The following ADAMTS3 variants were observed in gnomAD, a reference collection of about 807,000 sequenced individuals.
ADAMTS3 encodes ADAM metallopeptidase with thrombospondin type 1 motif 3, also known as A disintegrin and metalloproteinase with thrombospondin motifs 3.
Under a neutral mutation model 129.0 loss-of-function variants are expected in ADAMTS3, and 73 were observed. The observed-to-expected ratio is 0.57, with a 90% CI of 0.47 to 0.69. The LOEUF (loss-of-function observed/expected upper bound fraction) is 0.69. ADAMTS3 is among the 30% of genes least tolerant of loss of function. The probability of loss-of-function intolerance (pLI) is 0.00; values close to 1 mark genes in which losing one functional copy is unlikely to be tolerated. For synonymous variants in ADAMTS3, 477 were observed against 510.8 expected, an observed-to-expected ratio of 0.93 and a Z score of 0.89; for missense variants, 1,457 against 1,514.5, an observed-to-expected ratio of 0.96 and a Z score of 0.63.
At chr4:72,461,565 A>T (rs956262336) in intron 3 of ADAMTS3, among the ~76,000 whole-genome samples, 2 of 151,952 alleles carry the variant, frequency 1.3e-5, no homozygotes, top group African/African-American at 4.8e-5. Context: ...GACAAACCTA[A>T]CCTTTCTAAA....
Position 72,323,060 on chromosome 4 carries a change from T to C in ADAMTS3, c.899A>G (p.His300Arg). Residue 300 changes from histidine to arginine, a missense_variant, in exon 6 of 22, where the codon CAT becomes CGT. Coordinates refer to ENST00000286657, the MANE Select transcript of ADAMTS3 (RefSeq NM_014243.3). ...EIYHDESLGV[H>R]INVVLVRMIM... ...CATGCGCACCAGGACCACATTTATATGCACTCCGAGGGACTCATCATGGTA... is the reference window on the plus strand; with the variant it reads ...CATGCGCACCAGGACCACATTTATACGCACTCCGAGGGACTCATCATGGTA... The C allele has an allele frequency of 1.2e-6, 2 of 1,613,662 alleles. No homozygotes were observed. Among genetic ancestry groups the C allele is most frequent in the East Asian group, 4.5e-5 (2 of 44,848 alleles).
At chr4:72,471,841 T>C (rs539551649) in intron 3 of ADAMTS3, among the ~76,000 whole-genome samples, 4 of 152,220 alleles carry the variant, frequency 2.6e-5, no homozygotes, top group Admixed American at 1.3e-4. Context: ...TAAATGTAGA[T>C]AGATATAATC....
intron 21 of ADAMTS3, among the ~76,000 whole-genome samples, chr4:72,285,065 T>C (rs1362008562): frequency 1.3e-5 from 2 of 152,176 alleles, no homozygotes; most frequent in Middle Eastern, 3.2e-3. Context: ...TATTGGGTAA[T>C]ACTATACTGC....
At position 72,313,370 on chromosome 4, in the gene ADAMTS3, G is replaced by A. The variant is rs375254351; in HGVS notation, c.1745+307C>T. On this transcript the variant is annotated intron_variant, in intron 12 of 21. Transcript: ENST00000286657. ...TCTCTTGTTTCTGGCAGTCAATCTC[G>A]CAGTGCCCATGCCCACGCCCTTAGG... Among the ~76,000 whole-genome samples the A allele has an allele frequency of 5.9e-5, 9 of 152,148 alleles. No individual in the cohort carries two copies. The East Asian group carries it at 1.2e-3, about 20-fold the overall frequency.
At chr4:72,314,899 T>C (rs1393933071) in intron 11 of ADAMTS3, among the ~76,000 whole-genome samples, 1 of 152,194 alleles carries the variant, frequency 6.6e-6, no homozygotes, top group Non-Finnish European at 1.5e-5. Context: ...GTACCAGGTT[T>C]TGGTCCTGCC....
chr4:72,549,117 C>T (rs934574426), intron 2 of ADAMTS3, among the ~76,000 whole-genome samples: 1 of 152,150 alleles, frequency 6.6e-6, no homozygotes, highest in African/African-American at 2.4e-5. Flanking sequence ...ATTAAAATTA[C>T]ATTGTAAATA....
intron 4 of ADAMTS3, among the ~76,000 whole-genome samples, chr4:72,356,563 TA>T (rs1455487532): frequency 7.2e-5 from 11 of 151,826 alleles, no homozygotes. Flanking sequence ...AACAAGGCTA[TA>T]AAATAAAATA....
chr4:72,386,890 T>A (rs1278195829), intron 4 of ADAMTS3, among the ~76,000 whole-genome samples: 4 of 152,232 alleles, frequency 2.6e-5, no homozygotes, highest in Admixed American at 1.3e-4. Context: ...AGCATTTTTT[T>A]AAGCAATCTT....
chr4:72,390,506 C>G (rs1245903241), intron 4 of ADAMTS3, among the ~76,000 whole-genome samples: 2 of 152,124 alleles, frequency 1.3e-5, no homozygotes, highest in Non-Finnish European at 2.9e-5. Flanking sequence ...ACATCCAAAG[C>G]TTTTATTTTT....
intron 17 of ADAMTS3, among the ~76,000 whole-genome samples, chr4:72,303,411 C>A (rs1234232583): frequency 1.3e-5 from 2 of 151,774 alleles, no homozygotes; most frequent in East Asian, 3.9e-4. Context: ...AATAAAAAAC[C>A]AAAAAACTAG....
At chr4:72,511,420 A>G (rs765904845) in intron 3 of ADAMTS3, among the ~76,000 whole-genome samples, 1 of 152,228 alleles carries the variant, frequency 6.6e-6, no homozygotes, top group African/African-American at 2.4e-5. Flanking sequence ...TACAGGGGAA[A>G]AAAATCTAAT....
chr4:72,319,958 C>A lies in ADAMTS3; in HGVS notation c.1108G>T (p.Ala370Ser). The A allele has an allele frequency of 6.2e-7, 1 of 1,610,338 alleles. No homozygotes were observed. Reference protein sequence around the residue: ...DFGPAGMQGYAPVTGMCHPVR... With the variant: ...DFGPAGMQGYSPVTGMCHPVR... ...GGATGACACATGCCGGTGACTGGAGCATATCCTGTAGAGAATAACAATTAC... is the reference window on the plus strand; with the variant it reads ...GGATGACACATGCCGGTGACTGGAGAATATCCTGTAGAGAATAACAATTAC... The change falls in exon 8 of 22, where the codon GCT (alanine) becomes TCT (serine). Residue 370 changes from alanine to serine, a missense_variant. By Grantham distance (99) the Ala-to-Ser change is moderately conservative. Transcript: ENST00000286657.
In ADAMTS3 at chr4:72,320,678, C is replaced by T. The variant is rs1719528874; in HGVS notation, c.1102+36G>A. 1.9e-6 allele frequency: 3 copies of T among 1,600,088 alleles called. No individual in the cohort carries two copies. The African/African-American group carries it at 4.0e-5, about 22-fold the overall frequency. ...TTAGGATTACTTTTTAAAAGTCATG[C>T]CCTCAAGTATTTCTTCTACATATTG... On this transcript the variant is annotated intron_variant, in intron 7 of 21. Coordinates refer to ENST00000286657, the MANE Select transcript of ADAMTS3 (RefSeq NM_014243.3).
chr4:72,315,508 C>T (rs79222064), intron 11 of ADAMTS3, among the ~76,000 whole-genome samples: 3,593 of 152,154 alleles, frequency 0.024, 154 homozygotes, highest in African/African-American at 0.082. Flanking sequence ...GTGGGGTGGC[C>T]ACCAGATGCT....
rs1310675054 is a variant in ADAMTS3, at chr4:72,358,425, C to T, written c.662-18732G>A. Among the ~76,000 whole-genome samples the T allele has an allele frequency of 2.6e-5, 4 of 152,092 alleles. No individual in the cohort carries two copies. In the East Asian group the frequency reaches 7.7e-4, roughly 29 times the overall value. On this transcript the variant is annotated intron_variant, in intron 4 of 21. Coordinates refer to ENST00000286657, the MANE Select transcript of ADAMTS3 (RefSeq NM_014243.3). Reference sequence around the variant, plus strand: ...GACTGTATTTCAAGAAGCACTCCTGCAGGTCCCGAAACAGCTAGTTTGGGC... The same window carrying T: ...GACTGTATTTCAAGAAGCACTCCTGTAGGTCCCGAAACAGCTAGTTTGGGC...
chr4:72,405,472 C>A (rs1339329664), intron 4 of ADAMTS3, among the ~76,000 whole-genome samples: 2 of 152,068 alleles, frequency 1.3e-5, no homozygotes, highest in Non-Finnish European at 2.9e-5. Flanking sequence ...GATTTGTAAG[C>A]TAGGTTGTGT....
At chr4:72,321,162 C>T (rs1719544297) in intron 6 of ADAMTS3, among the ~76,000 whole-genome samples, 1 of 151,750 alleles carries the variant, frequency 6.6e-6, no homozygotes, top group African/African-American at 2.4e-5. Context: ...CAAATTATAC[C>T]ATTTATGAGA....
At chr4:72,520,754 C>T (rs558999127) in intron 3 of ADAMTS3, among the ~76,000 whole-genome samples, 2 of 152,222 alleles carry the variant, frequency 1.3e-5, no homozygotes, top group Admixed American at 6.5e-5. Context: ...CACCCCTTTC[C>T]TTGACCAGGA....
intron 3 of ADAMTS3, among the ~76,000 whole-genome samples, chr4:72,431,135 A>G (rs1722689103): frequency 3.3e-5 from 5 of 152,054 alleles, no homozygotes; most frequent in African/African-American, 9.7e-5. Flanking sequence ...AAGCAATGCA[A>G]AAAGACACCC....
Sources: gnomAD v4.1 joint callset for allele counts (sites outside exome capture counted in the v4.1 genomes callset) on GRCh38, gnomAD v4.1.1 for gene constraint, MANE v1.5 for transcripts, NCBI Gene and HGNC (gene_info 2026-07-23, HGNC 2026-07-21) for gene names.